Variants in CNTLN observed in about 807,000 individuals in gnomAD.
CNTLN encodes centlein, also known as centlein, centrosomal protein.
A neutral mutation model predicts 180.0 loss-of-function variants in CNTLN; 212 were observed. The observed-to-expected ratio is 1.18, with a 90% CI of 1.05 to 1.32. The LOEUF (loss-of-function observed/expected upper bound fraction) is 1.32. Ranked by LOEUF, CNTLN falls within the 40% of genes most tolerant of loss-of-function variation. The probability of loss-of-function intolerance (pLI) is 0.00; values close to 1 mark genes in which losing one functional copy is unlikely to be tolerated. For synonymous variants in CNTLN, 722 were observed against 563.1 expected (o/e 1.28, Z -3.99); for missense variants, 2,095 against 1,610.9 (o/e 1.30, Z -5.14).
chr9:17,346,277 C>A (rs1162257988), intron 12 of CNTLN, among the ~76,000 whole-genome samples: 1 of 152,036 alleles, frequency 6.6e-6, no homozygotes, highest in African/African-American at 2.4e-5. Context: ...ATGAGAACAG[C>A]ATGAGAACTG....
intron 7 of CNTLN, among the ~76,000 whole-genome samples, chr9:17,307,586 T>TA (rs1563980661): frequency 2.6e-5 from 4 of 152,016 alleles, no homozygotes; most frequent in African/African-American, 7.2e-5. Flanking sequence ...CATTTTTTTT[T>TA]AAAATAAAAG....
At chr9:17,303,168 G>A (rs778662318) in intron 7 of CNTLN, among the ~76,000 whole-genome samples, 8 of 152,052 alleles carry the variant, frequency 5.3e-5, no homozygotes, top group Non-Finnish European at 8.8e-5. Context: ...GTAATCTTGG[G>A]TCCAGAATGC....
At chr9:17,495,499 A>G (rs1256928973) in intron 25 of CNTLN, among the ~76,000 whole-genome samples, 2 of 152,194 alleles carry the variant, frequency 1.3e-5, no homozygotes, top group East Asian at 3.9e-4. Context: ...TCCTTACAGA[A>G]TAAGGATATA....
At chr9:17,340,685 C>A in intron 10 of CNTLN, 142 bp from the exon 11 acceptor site, 1 of 582,900 alleles carries the variant, frequency 1.7e-6, no homozygotes, top group Non-Finnish European at 2.6e-6. Context: ...CTTTTTTCTG[C>A]TTAAATACAT....
At chr9:17,279,274 G>C (rs549793138) in intron 6 of CNTLN, among the ~76,000 whole-genome samples, 1 of 152,118 alleles carries the variant, frequency 6.6e-6, no homozygotes, top group Admixed American at 6.6e-5. Flanking sequence ...ATTCTATATA[G>C]TACTTCAGTG....
intron 5 of CNTLN, among the ~76,000 whole-genome samples, chr9:17,256,379 A>G (rs1826489263): frequency 6.6e-6 from 1 of 152,022 alleles, no homozygotes; most frequent in South Asian, 2.1e-4. Flanking sequence ...AAACCTACCA[A>G]CAATGTATAA....
intron 18 of CNTLN, among the ~76,000 whole-genome samples, chr9:17,450,265 C>T (rs1413949942): frequency 1.3e-5 from 2 of 152,158 alleles, no homozygotes; most frequent in Non-Finnish European, 2.9e-5. Flanking sequence ...TTAATGTGCA[C>T]ACTGGAGCTG....
intron 23 of CNTLN, among the ~76,000 whole-genome samples, chr9:17,469,577 A>G (rs946298464): frequency 2.0e-5 from 3 of 151,794 alleles, no homozygotes; most frequent in Non-Finnish European, 4.4e-5. Flanking sequence ...CTACTACCAC[A>G]TTAGGTGCGT....
intron 5 of CNTLN, among the ~76,000 whole-genome samples, chr9:17,260,855 G>C (rs932719851): frequency 6.6e-6 from 1 of 151,102 alleles, no homozygotes; most frequent in South Asian, 2.1e-4. Flanking sequence ...CTTGAGTATG[G>C]TGTAAGGAAG....
intron 5 of CNTLN, among the ~76,000 whole-genome samples, chr9:17,256,897 T>C (rs1040291089): frequency 6.6e-6 from 1 of 151,914 alleles, no homozygotes; most frequent in Non-Finnish European, 1.5e-5. Context: ...GAATGAATGA[T>C]TCCATTTTGG....
chr9:17,246,597 C>T lies in CNTLN; in HGVS notation c.849+10009C>T, dbSNP rs149672195. Among the ~76,000 whole-genome samples, 211 of 152,284 alleles carry T rather than the reference C, an allele frequency of 1.4e-3. 1 individual carries two copies. Among genetic ancestry groups the T allele is most frequent in the African/African-American group, 4.5e-3 (188 of 41,568 alleles). ...ACTAAGGACTCCACAATCAGCAATTCGTTAATCCAGCAAGACCTGTGTCCT... is the reference window on the plus strand; with the variant it reads ...ACTAAGGACTCCACAATCAGCAATTTGTTAATCCAGCAAGACCTGTGTCCT... On this transcript the variant is annotated intron_variant, in intron 5 of 25. Transcript: ENST00000380647.
chr9:17,224,149 C>T (rs1824318554), intron 2 of CNTLN, among the ~76,000 whole-genome samples: 1 of 151,982 alleles, frequency 6.6e-6, no homozygotes, highest in South Asian at 2.1e-4. Context: ...CTTCGTTACC[C>T]TAATTTATTG....
At chr9:17,479,525 G>C (rs369039846) in intron 23 of CNTLN, among the ~76,000 whole-genome samples, 1 of 152,154 alleles carries the variant, frequency 6.6e-6, no homozygotes, top group Non-Finnish European at 1.5e-5. Flanking sequence ...GTGTTTGGAA[G>C]GGATTGGGGA....
At chr9:17,153,436 A>G (rs114549778) in intron 2 of CNTLN, among the ~76,000 whole-genome samples, 2,194 of 152,300 alleles carry the variant, frequency 0.014, 56 homozygotes, top group African/African-American at 0.051. Flanking sequence ...GATGGATATG[A>G]AATTCTGGTT....
intron 2 of CNTLN, among the ~76,000 whole-genome samples, chr9:17,219,145 C>T (rs1214891531): frequency 2.6e-5 from 4 of 152,100 alleles, no homozygotes; most frequent in Admixed American, 6.5e-5. Context: ...AAATATTCTT[C>T]GCTCACATCA....
intron 3 of CNTLN, among the ~76,000 whole-genome samples, chr9:17,227,929 A>T (rs2132096736): frequency 1.3e-5 from 2 of 152,228 alleles, no homozygotes; most frequent in Non-Finnish European, 2.9e-5. Context: ...TGCCTGGTAT[A>T]TTAATTGGAT....
chr9:17,242,341 G>A lies in CNTLN; in HGVS notation c.849+5753G>A, dbSNP rs567414918. Among the ~76,000 whole-genome samples the A allele has an allele frequency of 2.8e-4, 42 of 151,072 alleles. 1 individual carries two copies. Among genetic ancestry groups the A allele is most frequent in the Admixed American group, 1.4e-3 (21 of 15,170 alleles). On this transcript the variant is annotated intron_variant, in intron 5 of 25. Transcript: ENST00000380647. ...CCTTTTGTCTTTGAGATGGAGTCTC[G>A]CTGTGTCACCCAGGCGGGAGTGCAG...
chr9:17,306,918 T>A (rs375535637), intron 7 of CNTLN, among the ~76,000 whole-genome samples: 20 of 152,156 alleles, frequency 1.3e-4, no homozygotes, highest in South Asian at 4.2e-4. Context: ...GCTTCAACTT[T>A]CCCTAGCCAG....
At chr9:17,485,185 T>C (rs1385648361) in intron 24 of CNTLN, among the ~76,000 whole-genome samples, 1 of 152,104 alleles carries the variant, frequency 6.6e-6, no homozygotes, top group East Asian at 1.9e-4. Context: ...TCATGAATAT[T>C]AGATTTTTAT....
Sources: gnomAD v4.1 joint callset for allele counts (sites outside exome capture counted in the v4.1 genomes callset) on GRCh38, gnomAD v4.1.1 for gene constraint, MANE v1.5 for transcripts, NCBI Gene and HGNC (gene_info 2026-07-23, HGNC 2026-07-21) for gene names.